Variants in TRIM34 observed in about 807,000 individuals in gnomAD.
TRIM34 encodes the protein E3 ubiquitin-protein ligase TRIM34.
TRIM34 carries 41 observed loss-of-function variants against 38.1 expected under a neutral mutation model. The observed-to-expected ratio is 1.08, with a 90% CI of 0.84 to 1.40. TRIM34 has a LOEUF of 1.40. TRIM34 is among the 40% of genes most tolerant of loss of function. The probability of loss-of-function intolerance (pLI) is 0.00; values close to 1 mark genes in which losing one functional copy is unlikely to be tolerated. For missense variants in TRIM34, 556 were observed against 571.4 expected (o/e 0.97, Z 0.27); for synonymous variants, 200 against 202.5 (o/e 0.99, Z 0.10).
rs74761542 is a variant in TRIM34 at position 5,627,476 on chromosome 11, G to A, written c.-78+2416G>A. Reference sequence around the variant, plus strand: ...TTCTACCAGAGTGGTGGCAGTTGAGGTGGTTGGAAACTAATTTGAAAAAAA... The same window carrying A: ...TTCTACCAGAGTGGTGGCAGTTGAGATGGTTGGAAACTAATTTGAAAAAAA... On this transcript the variant is annotated intron_variant, in intron 1 of 7. Coordinates refer to ENST00000429814, the MANE Select transcript of TRIM34 (RefSeq NM_021616.6). Among the ~76,000 whole-genome samples, 1,422 of 152,274 alleles carry A rather than the reference G, an allele frequency of 9.3e-3. 21 individuals carry two copies. Among genetic ancestry groups the A allele is most frequent in the African/African-American group, 0.033 (1,357 of 41,536 alleles).
At chr11:5,623,219 T>C (rs1042917609), upstream of TRIM34, among the ~76,000 whole-genome samples, 1 of 151,806 alleles carries the variant, frequency 6.6e-6, no homozygotes, top group African/African-American at 2.4e-5. Flanking sequence ...TTAGTGATTT[T>C]TGGGTCCCGA....
intron 5 of TRIM34, 190 bp downstream of exon 5, chr11:5,641,379 T>C (rs1850005990): frequency 1.5e-6 from 2 of 1,372,848 alleles, no homozygotes; most frequent in African/African-American, 1.5e-5. Context: ...CTCGATCCTA[T>C]GTTAGTAAAT....
upstream of TRIM34, among the ~76,000 whole-genome samples, chr11:5,621,075 T>A (rs1848978070): frequency 6.6e-6 from 1 of 152,236 alleles, no homozygotes; most frequent in Admixed American, 6.5e-5. Flanking sequence ...CACACATTCC[T>A]ATCTCCAGCA....
chr11:5,632,209 T>C (rs760045419), intron 1 of TRIM34, 46 bp from the exon 2 acceptor site: 2 of 1,528,012 alleles, frequency 1.3e-6, no homozygotes, highest in East Asian at 2.3e-5. Flanking sequence ...ATTAGAATGC[T>C]TTTTATTTGT....
upstream of TRIM34, among the ~76,000 whole-genome samples, chr11:5,621,556 G>A (rs1158284664): frequency 6.6e-6 from 1 of 152,186 alleles, no homozygotes; most frequent in Non-Finnish European, 1.5e-5. Flanking sequence ...CCAGAAGAAT[G>A]CCTAAGAGTT....
At chr11:5,621,665 A>G (rs1848995516), upstream of TRIM34, among the ~76,000 whole-genome samples, 1 of 152,154 alleles carries the variant, frequency 6.6e-6, no homozygotes, top group East Asian at 1.9e-4. Context: ...CCAAATAGAA[A>G]AGTCAAGCTG....
chr11:5,632,390 A>G lies in TRIM34; in HGVS notation c.59A>G (p.Glu20Gly). The G allele has an allele frequency of 6.2e-7, 1 of 1,614,020 alleles. No homozygotes were observed. Among genetic ancestry groups the G allele is most frequent in the South Asian group, 1.1e-5 (1 of 91,080 alleles). ...GAGGTGACCTGTCCCATCTGCCTGG[A>G]GCTGTTGACAGAACCCTTGAGTCTA... ...QEEVTCPICL[E>G]LLTEPLSLDC... Residue 20 changes from glutamate to glycine, a missense_variant, in exon 2 of 8, where the codon GAG (glutamate) becomes GGG (glycine). Coordinates refer to ENST00000429814, the MANE Select transcript of TRIM34 (RefSeq NM_021616.6).
rs866946878 is a variant in TRIM34, at chr11:5,634,528, C to T, written c.520-103C>T. On this transcript the variant is annotated intron_variant, in intron 3 of 7. Transcript: ENST00000429814. ...ACACACACACACACACACACACACACACATATATATATATATATATTTCCC... is the reference window on the plus strand; with the variant it reads ...ACACACACACACACACACACACACATACATATATATATATATATATTTCCC... The T allele has an allele frequency of 6.1e-3, 3,269 of 536,576 alleles. 105 individuals carry two copies. The African/African-American group carries it at 0.068, about 11-fold the overall frequency. 33.2% of individuals were successfully genotyped at this position (536,576 alleles called of 1,614,324 possible). A position where few individuals can be genotyped will look rare whatever the true frequency, so the allele number is the denominator to read the frequency against.
Position 5,643,526 on chromosome 11 carries a change from G to T in TRIM34, c.1284G>T (p.Val428=), listed in dbSNP as rs1432956540. The change falls in exon 8 of 8, where the codon GTG becomes GTT. Residue 428 remains valine, a synonymous_variant. Coordinates refer to ENST00000429814, the MANE Select transcript of TRIM34 (RefSeq NM_021616.6). The part of the protein sequence containing the change: ...DPEVLTLSMA[V]PPCRVGVFLD... ...AGGTTTTGACTCTCTCCATGGCTGT[G>T]CCTCCCTGCCGTGTTGGGGTTTTCC... 2.5e-6 allele frequency: 4 copies of T among 1,614,004 alleles called. No individual in the cohort carries two copies. The highest frequency in any genetic ancestry group is 3.4e-6 in the Non-Finnish European group (4 of 1,180,024).
At chr11:5,638,279 CA>C (rs2133945030) in intron 4 of TRIM34, among the ~76,000 whole-genome samples, 1 of 152,228 alleles carries the variant, frequency 6.6e-6, no homozygotes, top group East Asian at 1.9e-4. Flanking sequence ...AGAATACAGT[CA>C]AAATATAGGG....
At position 5,643,283 on chromosome 11, in the gene TRIM34, GA is replaced by G; in HGVS notation, c.1044del (p.Lys348AsnfsTer27). 6.2e-7 allele frequency: 1 copy of G among 1,613,994 alleles called. No homozygotes were observed. The highest frequency in any genetic ancestry group is 8.5e-7 in the Non-Finnish European group (1 of 1,179,996). On this transcript the variant is annotated frameshift_variant, in exon 8 of 8. Coordinates refer to ENST00000429814, the MANE Select transcript of TRIM34 (RefSeq NM_021616.6). LOFTEE classifies it low-confidence loss of function (END_TRUNC). ...TGGGATCCCAATATTTCTCCTCTGG[GA>G]AACATTACTGGGAAGTGGACGTGTC... ...VLGSQYFSSG[K>X]HYWEVDVSKK...
rs755735525 is a variant in TRIM34, at chr11:5,643,423, T to C, written c.1181T>C (p.Leu394Pro). The C allele has an allele frequency of 5.0e-6, 8 of 1,614,212 alleles. No individual in the cohort carries two copies. The highest frequency in any genetic ancestry group is 6.8e-6 in the Non-Finnish European group (8 of 1,180,038). The change falls in exon 8 of 8, where the codon CTA (leucine) becomes CCA (proline). Residue 394 changes from leucine (L) to proline (P), a missense_variant. Transcript: ENST00000429814. ...AATCTTTACACCAAATACAGACCTC[T>C]ATTTGGCTACTGGGTTATAGGGTTA... ...RQNLYTKYRP[L>P]FGYWVIGLQN... is the part of the protein sequence containing the mutation.
intron 7 of TRIM34, 33 bp from the exon 8 acceptor site, chr11:5,643,111 A>C: frequency 8.9e-7 from 1 of 1,127,594 alleles, no homozygotes; most frequent in Non-Finnish European, 1.1e-6. Context: ...TTATATTCAT[A>C]TACATATATA....
chr11:5,638,496 A>G (rs933391739), intron 4 of TRIM34, among the ~76,000 whole-genome samples: 2 of 132,958 alleles, frequency 1.5e-5, no homozygotes, highest in Non-Finnish European at 3.1e-5. Context: ...TGGTGTCATG[A>G]AAGAGTTAAA....
chr11:5,635,507 C>T (rs1023447897), intron 4 of TRIM34, among the ~76,000 whole-genome samples: 3 of 152,234 alleles, frequency 2.0e-5, no homozygotes, highest in African/African-American at 7.2e-5. Flanking sequence ...CCGCCTGCCT[C>T]GGCCTTCCAA....
chr11:5,643,606 T>A lies in TRIM34; in HGVS notation c.1364T>A (p.Leu455His). ...SFFNVTSHGS[L>H]IYKFSKCCFS... ...TTCAATGTCACAAGCCATGGCTCCC[T>A]CATTTACAAGTTCTCTAAATGTTGC... The change falls in exon 8 of 8, where the codon CTC (leucine) becomes CAC (histidine). Residue 455 changes from leucine to histidine, a missense_variant. Physicochemically the swap from Leu to His is moderately conservative, Grantham distance 99. Transcript: ENST00000429814. 6.2e-7 allele frequency: 1 copy of A among 1,614,146 alleles called. No individual in the cohort carries two copies. The highest frequency in any genetic ancestry group is 1.1e-5 in the South Asian group (1 of 91,078).
intron 1 of TRIM34, among the ~76,000 whole-genome samples, chr11:5,627,110 G>T (rs1023678738): frequency 9.2e-5 from 14 of 152,140 alleles, no homozygotes; most frequent in Non-Finnish European, 1.9e-4. Flanking sequence ...GGGCACAGTA[G>T]CTCACACCTG....
chr11:5,643,676 A>G lies in TRIM34; in HGVS notation c.1434A>G (p.Pro478=). 8 of 1,611,202 alleles carry G rather than the reference A, an allele frequency of 5.0e-6. No homozygotes were observed. Among genetic ancestry groups the G allele is most frequent in the Non-Finnish European group, 5.9e-6 (7 of 1,178,878 alleles). Residue 478 remains proline, a synonymous_variant, in exon 8 of 8, where the codon CCA becomes CCG. Transcript: ENST00000429814. The part of the protein sequence containing the change: ...VYPYFNPWNC[P]APMTLCPPSS ...CATATTTCAATCCTTGGAACTGTCC[A>G]GCTCCCATGACTCTATGCCCACCAA...
At chr11:5,628,401 A>C (rs1360749631) in intron 1 of TRIM34, among the ~76,000 whole-genome samples, 1 of 152,208 alleles carries the variant, frequency 6.6e-6, no homozygotes, top group Non-Finnish European at 1.5e-5. Context: ...TAGTCATCAG[A>C]TCCTGGTCTG....
Sources: allele counts gnomAD v4.1 joint callset (sites outside exome capture counted in the v4.1 genomes callset), GRCh38; gene constraint gnomAD v4.1.1; transcripts MANE v1.5; gene names NCBI Gene and HGNC (gene_info 2026-07-23, HGNC 2026-07-21).